WDR70: variants seen among roughly 807,000 people sequenced by gnomAD.
The protein encoded by WDR70 is WD repeat domain 70, also known as WD repeat-containing protein 70.
In WDR70, 53 loss-of-function variants were observed where a neutral mutation model predicts 88.6. That is an observed-to-expected ratio of 0.60 (90% CI 0.48 to 0.75). WDR70 has a LOEUF of 0.75. WDR70 is among the 30% of genes least tolerant of loss of function. WDR70 has a pLI of 0.00. For missense variants in WDR70, 610 were observed against 823.2 expected (o/e 0.74, Z 3.17); for synonymous variants, 280 against 270.0 (o/e 1.04, Z -0.36).
At chr5:37,451,462 G>A (rs1738674377) in intron 7 of WDR70, among the ~76,000 whole-genome samples, 1 of 152,062 alleles carries the variant, frequency 6.6e-6, no homozygotes, top group Non-Finnish European at 1.5e-5. Context: ...TAATTCTAAG[G>A]AACTGAAATT....
intron 5 of WDR70, among the ~76,000 whole-genome samples, chr5:37,415,955 C>T (rs905676980): frequency 1.3e-5 from 2 of 151,804 alleles, no homozygotes; most frequent in South Asian, 2.1e-4. Context: ...GATGGGCTGG[C>T]GGCCGGGAAG....
At chr5:37,646,042 T>C (rs1035734591) in intron 10 of WDR70, among the ~76,000 whole-genome samples, 2 of 152,104 alleles carry the variant, frequency 1.3e-5, no homozygotes, top group African/African-American at 4.8e-5. Flanking sequence ...CTTCTCTTCC[T>C]TCTTTCCTTC....
At position 37,684,277 on chromosome 5, in the gene WDR70, T is replaced by G. The variant is rs149758679; in HGVS notation, c.1093-13378T>G. ...TCAGTGATCTTTGTTCCTATCTATATTCTGAATTCTATTTCTGTCATTTCA... is the reference window on the plus strand; with the variant it reads ...TCAGTGATCTTTGTTCCTATCTATAGTCTGAATTCTATTTCTGTCATTTCA... On this transcript the variant is annotated intron_variant, in intron 10 of 17. Transcript: ENST00000265107. 2.3e-4 allele frequency among the ~76,000 whole-genome samples: 35 copies of G among 152,344 alleles called. No homozygotes were observed. The East Asian group carries it at 6.6e-3, about 29-fold the overall frequency.
At chr5:37,691,538 G>T (rs1581500778) in intron 10 of WDR70, among the ~76,000 whole-genome samples, 2 of 152,292 alleles carry the variant, frequency 1.3e-5, no homozygotes, top group African/African-American at 4.8e-5. Context: ...AATCAAATTA[G>T]AACTCAGGAT....
chr5:37,676,025 G>T (rs1486286043), intron 10 of WDR70, among the ~76,000 whole-genome samples: 2 of 147,760 alleles, frequency 1.4e-5, no homozygotes, highest in East Asian at 2.0e-4. Flanking sequence ...TCATGATTTG[G>T]CTCTCTGTTT....
At chr5:37,483,119 TTAA>T (rs1171950775) in intron 8 of WDR70, among the ~76,000 whole-genome samples, 1 of 150,806 alleles carries the variant, frequency 6.6e-6, no homozygotes, top group African/African-American at 2.4e-5. Context: ...TTTTTTTTTT[TTAA>T]TTGATCATTC....
At chr5:37,696,221 T>G (rs901483602) in intron 10 of WDR70, among the ~76,000 whole-genome samples, 6 of 152,202 alleles carry the variant, frequency 3.9e-5, no homozygotes, top group Non-Finnish European at 8.8e-5. Flanking sequence ...AATGAATTCT[T>G]TGTATCCATG....
intron 10 of WDR70, 61 bp downstream of exon 10, chr5:37,605,299 C>T: frequency 6.7e-7 from 1 of 1,490,202 alleles, no homozygotes; most frequent in South Asian, 1.4e-5. Flanking sequence ...AGATGGCCAC[C>T]TTACAAAGAC....
intron 9 of WDR70, among the ~76,000 whole-genome samples, chr5:37,563,036 G>A (rs866211438): frequency 9.8e-4 from 115 of 117,590 alleles, no homozygotes; most frequent in Middle Eastern, 8.3e-3. Flanking sequence ...GGGCAGAGGC[G>A]CCCCTCACCT....
chr5:37,740,460 G>A (rs904246159), intron 17 of WDR70, among the ~76,000 whole-genome samples: 2 of 152,180 alleles, frequency 1.3e-5, no homozygotes, highest in African/African-American at 4.8e-5. Flanking sequence ...TGTTCAGTGT[G>A]CTAAAGTTGA....
chr5:37,507,366 T>G (rs1740594503), intron 8 of WDR70, among the ~76,000 whole-genome samples: 1 of 152,220 alleles, frequency 6.6e-6, no homozygotes, highest in Non-Finnish European at 1.5e-5. Context: ...CTGGGAAGAT[T>G]TCTAGTTCTC....
Position 37,608,813 on chromosome 5 carries a change from C to T in WDR70, c.1092+3575C>T, listed in dbSNP as rs1002162929. Among the ~76,000 whole-genome samples the T allele has an allele frequency of 2.0e-5, 3 of 152,282 alleles. No homozygotes were observed. The East Asian group carries it at 5.8e-4, about 29-fold the overall frequency. ...GACTTAAGCAGTCTCCCCACCTCAGCCTCCCCAAGTGCTGGTATGACAGGC... is the reference window on the plus strand; with the variant it reads ...GACTTAAGCAGTCTCCCCACCTCAGTCTCCCCAAGTGCTGGTATGACAGGC... On this transcript the variant is annotated intron_variant, in intron 10 of 17. Coordinates refer to ENST00000265107, the MANE Select transcript of WDR70 (RefSeq NM_018034.4).
chr5:37,738,437 G>A (rs1177760185), intron 17 of WDR70, among the ~76,000 whole-genome samples: 1 of 152,118 alleles, frequency 6.6e-6, no homozygotes, highest in Admixed American at 6.6e-5. Flanking sequence ...TTTGACCTGT[G>A]GACTTTCCAC....
intron 11 of WDR70, 172 bp downstream of exon 11, chr5:37,697,926 G>T: frequency 5.8e-6 from 3 of 516,036 alleles, no homozygotes; most frequent in Non-Finnish European, 6.7e-6. Flanking sequence ...AACATTGTTT[G>T]TATTAAAAAT....
At chr5:37,446,856 A>G (rs1247629904) in intron 7 of WDR70, among the ~76,000 whole-genome samples, 3 of 152,204 alleles carry the variant, frequency 2.0e-5, no homozygotes, top group Non-Finnish European at 4.4e-5. Flanking sequence ...AACCTAAGCA[A>G]TACCATTCAG....
intron 7 of WDR70, among the ~76,000 whole-genome samples, chr5:37,453,354 T>C (rs1218709274): frequency 6.6e-6 from 1 of 152,220 alleles, no homozygotes; most frequent in Non-Finnish European, 1.5e-5. Context: ...TTTCTATAGA[T>C]ATTCGATTAA....
intron 8 of WDR70, among the ~76,000 whole-genome samples, chr5:37,510,487 A>G (rs1190613057): frequency 2.6e-5 from 4 of 152,204 alleles, no homozygotes; most frequent in Non-Finnish European, 5.9e-5. Context: ...TTTAAGAGAC[A>G]GGGTCTTGCT....
intron 5 of WDR70, among the ~76,000 whole-genome samples, chr5:37,423,700 A>G (rs1025259665): frequency 6.7e-6 from 1 of 149,844 alleles, no homozygotes; most frequent in Non-Finnish European, 1.5e-5. Context: ...GGTAGCTAGG[A>G]TTACAGGCAG....
chr5:37,527,386 G>A (rs1003932027), intron 9 of WDR70, among the ~76,000 whole-genome samples: 2 of 152,176 alleles, frequency 1.3e-5, no homozygotes, highest in Admixed American at 6.5e-5. Context: ...ATGGGGAAAG[G>A]ATTCCCTATT....
Sources: allele counts gnomAD v4.1 joint callset (sites outside exome capture counted in the v4.1 genomes callset), GRCh38; gene constraint gnomAD v4.1.1; transcripts MANE v1.5; gene names NCBI Gene and HGNC (gene_info 2026-07-23, HGNC 2026-07-21).